Variants in IL1RAPL2 observed in about 807,000 individuals in gnomAD.
IL1RAPL2 encodes the protein interleukin 1 receptor accessory protein like 2, also known as X-linked interleukin-1 receptor accessory protein-like 2.
In IL1RAPL2, 3 loss-of-function variants were observed where a neutral mutation model predicts 44.1. The ratio of observed to expected loss-of-function variants is 0.07; its 90% confidence interval spans 0.03 to 0.18. The LOEUF is 0.18. IL1RAPL2 is among the 10% of genes least tolerant of loss of function. The probability of loss-of-function intolerance (pLI) is 1.00; values close to 1 mark genes in which losing one functional copy is unlikely to be tolerated. For missense variants in IL1RAPL2, 391 were observed against 496.4 expected (o/e 0.79, Z 2.02); for synonymous variants, 181 against 178.8 (o/e 1.01, Z -0.10).
intron 1 of IL1RAPL2, among the ~76,000 whole-genome samples, chrX:104,646,169 T>C (rs1808002819): frequency 8.9e-6 from 1 of 111,917 alleles, no homozygotes; most frequent in Non-Finnish European, 1.9e-5. Context: ...TGCTTTGAAA[T>C]GGTCTTCATG....
At chrX:105,383,395 G>A (rs951039483) in intron 5 of IL1RAPL2, among the ~76,000 whole-genome samples, 1 of 111,433 alleles carries the variant, frequency 9.0e-6, no homozygotes, top group Non-Finnish European at 1.9e-5. Flanking sequence ...TTCACATAAT[G>A]TCTTCCAGTT....
intron 2 of IL1RAPL2, among the ~76,000 whole-genome samples, chrX:104,715,153 T>C (rs1931532934): frequency 2.7e-5 from 3 of 110,001 alleles, no homozygotes; most frequent in Non-Finnish European, 5.7e-5. Flanking sequence ...TAATTAAGTT[T>C]TGGAGCTCAT....
chrX:104,895,879 C>T (rs1048493619), intron 2 of IL1RAPL2, among the ~76,000 whole-genome samples: 1 of 111,801 alleles, frequency 8.9e-6, no homozygotes, highest in African/African-American at 3.3e-5. Flanking sequence ...GCGTCACTCA[C>T]ACTGGGAGCT....
intron 6 of IL1RAPL2, among the ~76,000 whole-genome samples, chrX:105,595,502 G>C (rs1427558577): frequency 9.0e-6 from 1 of 111,610 alleles, no homozygotes; most frequent in Non-Finnish European, 1.9e-5. Context: ...TCATAGAGTT[G>C]CTTTGAAAAA....
chrX:105,622,350 G>C (rs376432844), intron 6 of IL1RAPL2, among the ~76,000 whole-genome samples: 6 of 109,308 alleles, frequency 5.5e-5, no homozygotes, highest in African/African-American at 2.0e-4. Flanking sequence ...CAAACTACCA[G>C]TTCAGCCAAA....
chrX:105,552,889 TA>T (rs1183972786), intron 6 of IL1RAPL2, among the ~76,000 whole-genome samples: 1 of 112,537 alleles, frequency 8.9e-6, no homozygotes, highest in African/African-American at 3.2e-5. Context: ...TCATTTAATT[TA>T]AAAGTCATTT....
chrX:105,519,217 G>T (rs187381512), intron 6 of IL1RAPL2, among the ~76,000 whole-genome samples: 1 of 111,531 alleles, frequency 9.0e-6, no homozygotes, highest in African/African-American at 3.3e-5. Flanking sequence ...ATATATACAC[G>T]TGTATATTGG....
intron 2 of IL1RAPL2, among the ~76,000 whole-genome samples, chrX:104,881,029 G>A (rs949602883): frequency 2.6e-4 from 29 of 111,511 alleles, no homozygotes; most frequent in African/African-American, 7.2e-4. Context: ...TTTAAAAGCA[G>A]TTTAATATTT....
chrX:104,680,660 T>C (rs377666413), intron 2 of IL1RAPL2, among the ~76,000 whole-genome samples: 2 of 111,806 alleles, frequency 1.8e-5, no homozygotes, highest in East Asian at 5.6e-4. Flanking sequence ...AAATGAATCA[T>C]TGGATAGTTC....
At chrX:105,589,877 T>C (rs1347511445) in intron 6 of IL1RAPL2, among the ~76,000 whole-genome samples, 1 of 111,939 alleles carries the variant, frequency 8.9e-6, no homozygotes, top group East Asian at 2.8e-4. Flanking sequence ...TTTGGTTTCA[T>C]GAATTTTAGA....
chrX:105,607,808 G>T (rs2037306806), intron 6 of IL1RAPL2, among the ~76,000 whole-genome samples: 1 of 110,221 alleles, frequency 9.1e-6, no homozygotes, highest in African/African-American at 3.3e-5. Context: ...TTTGAGGGCA[G>T]AGAAGAAGAT....
intron 2 of IL1RAPL2, among the ~76,000 whole-genome samples, chrX:104,840,675 CTT>C (rs776355978): frequency 7.4e-5 from 7 of 94,788 alleles, no homozygotes; most frequent in African/African-American, 3.8e-5. Flanking sequence ...AAGTCTCTCA[CTT>C]TTTTTTTTTT....
At chrX:105,070,129 C>A (rs951101721) in intron 2 of IL1RAPL2, among the ~76,000 whole-genome samples, 2 of 111,791 alleles carry the variant, frequency 1.8e-5, no homozygotes, top group Non-Finnish European at 3.8e-5. Flanking sequence ...CTGGGCAAAA[C>A]CAAAAATCTG....
At chrX:104,805,372 A>T (rs1310910859) in intron 2 of IL1RAPL2, among the ~76,000 whole-genome samples, 1 of 112,344 alleles carries the variant, frequency 8.9e-6, no homozygotes, top group Non-Finnish European at 1.9e-5. Flanking sequence ...ATTCACTTAC[A>T]CATTGGATTC....
intron 2 of IL1RAPL2, among the ~76,000 whole-genome samples, chrX:105,190,297 C>T (rs1422284208): frequency 1.8e-5 from 2 of 112,225 alleles, no homozygotes; most frequent in East Asian, 5.6e-4. Context: ...CTTTTGGCTT[C>T]TGTCACCTAC....
intron 2 of IL1RAPL2, among the ~76,000 whole-genome samples, chrX:104,892,860 C>T (rs1024509379): frequency 1.8e-5 from 2 of 111,634 alleles, no homozygotes; most frequent in African/African-American, 3.3e-5. Flanking sequence ...GCTCTTGCTT[C>T]TCTAGTTCTC....
chrX:105,741,366 G>C (rs1278884659), intron 8 of IL1RAPL2, among the ~76,000 whole-genome samples: 2 of 111,730 alleles, frequency 1.8e-5, no homozygotes, highest in Non-Finnish European at 3.8e-5. Flanking sequence ...TTCTGAATTG[G>C]CTCTTACCTT....
In IL1RAPL2 at chrX:105,058,365, C is replaced by T. The variant is rs534069701; in HGVS notation, c.83-137110C>T. On this transcript the variant is annotated intron_variant, in intron 2 of 10. Transcript: ENST00000372582. ...CCTCCCAAAGTGTTGGGATTACAGG[C>T]GTGAGCCACTGCACCTGGCCTGATT... Among the ~76,000 whole-genome samples the T allele has an allele frequency of 1.1e-3, 125 of 111,972 alleles. 1 individual carries two copies. The highest frequency in any genetic ancestry group is 6.0e-3 in the South Asian group (16 of 2,686).
chrX:105,042,066 A>G (rs1220036502), intron 2 of IL1RAPL2, among the ~76,000 whole-genome samples: 24 of 111,678 alleles, frequency 2.1e-4, no homozygotes, highest in African/African-American at 6.8e-4. Context: ...CACCTTATAT[A>G]AAAATCAATT....
Sources: gnomAD v4.1 joint callset for allele counts (sites outside exome capture counted in the v4.1 genomes callset) on GRCh38, gnomAD v4.1.1 for gene constraint, MANE v1.5 for transcripts, NCBI Gene and HGNC (gene_info 2026-07-23, HGNC 2026-07-21) for gene names.